Variants in ERICH1 observed in about 807,000 individuals in gnomAD.
ERICH1 encodes the protein glutamate rich 1, also known as glutamate-rich protein 1.
ERICH1 carries 56 observed loss-of-function variants against 39.6 expected under a neutral mutation model. The observed-to-expected ratio is 1.41, with a 90% CI of 1.14 to 1.77. The LOEUF is 1.77. ERICH1 is among the 40% of genes most tolerant of loss of function. The probability of loss-of-function intolerance (pLI) is 0.00; values close to 1 mark genes in which losing one functional copy is unlikely to be tolerated. For synonymous variants in ERICH1, 313 were observed against 223.6 expected (o/e 1.40, Z -3.57); for missense variants, 826 against 575.4 (o/e 1.44, Z -4.45).
intron 3 of ERICH1, among the ~76,000 whole-genome samples, chr8:675,013 T>G (rs1355735204): frequency 2.6e-5 from 4 of 152,224 alleles, no homozygotes; most frequent in Admixed American, 6.5e-5. Flanking sequence ...TCTCACAGGC[T>G]GAGAGGGGCA....
At chr8:720,436 A>G (rs1410423621) in intron 1 of ERICH1, among the ~76,000 whole-genome samples, 3 of 152,260 alleles carry the variant, frequency 2.0e-5, no homozygotes, top group Non-Finnish European at 4.4e-5. Context: ...TGCCAGGAAG[A>G]GCATGCAACT....
At chr8:730,758 C>G (rs1002584109) in intron 1 of ERICH1, among the ~76,000 whole-genome samples, 2 of 152,212 alleles carry the variant, frequency 1.3e-5, no homozygotes, top group Non-Finnish European at 2.9e-5. Flanking sequence ...GCTGCCGGAG[C>G]CGGCTGCAGC....
At chr8:699,717 G>A (rs902895124) in intron 2 of ERICH1, among the ~76,000 whole-genome samples, 1 of 148,748 alleles carries the variant, frequency 6.7e-6, no homozygotes, top group African/African-American at 2.6e-5. Context: ...ACCCGCACAC[G>A]TGCACAGACT....
intron 3 of ERICH1, among the ~76,000 whole-genome samples, chr8:639,502 G>A (rs965443765): frequency 3.3e-5 from 5 of 152,172 alleles, no homozygotes; most frequent in East Asian, 1.9e-4. Flanking sequence ...TCAAAGAGCC[G>A]GTCTGTCATC....
intron 3 of ERICH1, chr8:690,877 T>A (rs941194654): frequency 3.3e-5 from 5 of 152,314 alleles, no homozygotes; most frequent in African/African-American, 1.2e-4. Context: ...TGGCCGTTAT[T>A]TTTCCAGCTC....
chr8:694,532 C>T (rs370519026), intron 2 of ERICH1, among the ~76,000 whole-genome samples: 5 of 152,294 alleles, frequency 3.3e-5, no homozygotes, highest in Middle Eastern at 3.4e-3. Context: ...GGGTCCAAAA[C>T]GCACCGCGCC....
intron 3 of ERICH1, among the ~76,000 whole-genome samples, chr8:636,910 C>G (rs1413259868): frequency 6.6e-6 from 1 of 152,188 alleles, no homozygotes; most frequent in South Asian, 2.1e-4. Context: ...TCTGCAGGGT[C>G]GGAGGGTTGG....
At chr8:654,318 T>C (rs1800338618) in intron 3 of ERICH1, among the ~76,000 whole-genome samples, 2 of 152,102 alleles carry the variant, frequency 1.3e-5, no homozygotes, top group Admixed American at 1.3e-4. Flanking sequence ...TACTAGCATA[T>C]TGTGCTACCA....
At chr8:654,612 TAA>T (rs1038914520) in intron 3 of ERICH1, among the ~76,000 whole-genome samples, 1 of 152,158 alleles carries the variant, frequency 6.6e-6, no homozygotes, top group Non-Finnish European at 1.5e-5. Flanking sequence ...GGCAACTATG[TAA>T]AGACACACAC....
chr8:698,695 C>G (rs1278538378), intron 2 of ERICH1, among the ~76,000 whole-genome samples: 1 of 152,182 alleles, frequency 6.6e-6, no homozygotes, highest in African/African-American at 2.4e-5. Context: ...GGCTCACTGT[C>G]TAGAGCTCCT....
At chr8:683,320 G>T (rs1585269420) in intron 3 of ERICH1, among the ~76,000 whole-genome samples, 1 of 152,256 alleles carries the variant, frequency 6.6e-6, no homozygotes, top group South Asian at 2.1e-4. Flanking sequence ...CAGGGCTTCA[G>T]GGAATAAAGG....
At position 668,808 on chromosome 8, in the gene ERICH1, T is replaced by G; in HGVS notation, c.1064-16A>C. On this transcript the variant is annotated splice_polypyrimidine_tract_variant and intron_variant, in intron 4 of 5. Coordinates refer to ENST00000262109, the MANE Select transcript of ERICH1 (RefSeq NM_207332.3). ...CTGGAGACACCTACATAAAGTCAGT[T>G]TTGCTTGGAAATACAGTTTTGTTTT... The G allele has an allele frequency of 6.4e-7, 1 of 1,572,650 alleles. No homozygotes were observed. The highest frequency in any genetic ancestry group is 1.4e-5 in the African/African-American group (1 of 73,200).
intron 3 of ERICH1, among the ~76,000 whole-genome samples, chr8:632,536 A>G (rs1315517208): frequency 2.0e-5 from 3 of 152,204 alleles, no homozygotes; most frequent in Non-Finnish European, 4.4e-5. Flanking sequence ...GGGGACAGTG[A>G]CTACTAGAAT....
chr8:670,886 T>C (rs1277954946), intron 4 of ERICH1, among the ~76,000 whole-genome samples: 1 of 150,640 alleles, frequency 6.6e-6, no homozygotes, highest in African/African-American at 2.5e-5. Context: ...GTCCCCAGGA[T>C]CCAACCTCTG....
chr8:712,483 G>A (rs747060369), intron 2 of ERICH1, among the ~76,000 whole-genome samples: 27 of 152,194 alleles, frequency 1.8e-4, no homozygotes, highest in Non-Finnish European at 2.9e-4. Context: ...AGGCTGGAGT[G>A]CAGTGACATG....
intron 3 of ERICH1, among the ~76,000 whole-genome samples, chr8:629,900 CAG>C (rs1797871982): frequency 8.0e-6 from 1 of 124,576 alleles, no homozygotes; most frequent in African/African-American, 3.4e-5. Context: ...AGCACCCACA[CAG>C]ACAGAGCTGA....
At chr8:677,253 C>T (rs1409105281) in intron 3 of ERICH1, among the ~76,000 whole-genome samples, 3 of 152,252 alleles carry the variant, frequency 2.0e-5, no homozygotes, top group Non-Finnish European at 4.4e-5. Flanking sequence ...AGCCTCCCCT[C>T]TTCATTGGAT....
intron 3 of ERICH1, among the ~76,000 whole-genome samples, chr8:643,297 T>A (rs1411540470): frequency 1.3e-5 from 2 of 151,896 alleles, no homozygotes; most frequent in African/African-American, 2.4e-5. Flanking sequence ...CAGGCTGTGC[T>A]CGCAGGGACG....
At chr8:713,270 T>A (rs912420238) in intron 2 of ERICH1, among the ~76,000 whole-genome samples, 1 of 152,226 alleles carries the variant, frequency 6.6e-6, no homozygotes, top group Non-Finnish European at 1.5e-5. Flanking sequence ...AACATACAAA[T>A]TTGCTGGTGG....
Sources: allele counts gnomAD v4.1 joint callset (sites outside exome capture counted in the v4.1 genomes callset), GRCh38; gene constraint gnomAD v4.1.1; transcripts MANE v1.5; gene names NCBI Gene and HGNC (gene_info 2026-07-23, HGNC 2026-07-21).